PLCG2: variants seen among roughly 807,000 people sequenced by gnomAD.
The protein encoded by PLCG2 is 1-phosphatidylinositol 4,5-bisphosphate phosphodiesterase gamma-2.
A neutral mutation model predicts 175.6 loss-of-function variants in PLCG2; 69 were observed. That is an observed-to-expected ratio of 0.39 (90% CI 0.32 to 0.48). The LOEUF (loss-of-function observed/expected upper bound fraction) is 0.48, where lower values mean the gene tolerates loss of function less well. PLCG2 is among the 20% of genes least tolerant of loss of function. The pLI, the probability that PLCG2 is intolerant of heterozygous loss-of-function variation, is 0.91. For synonymous variants in PLCG2, 827 were observed against 624.0 expected (o/e 1.33, Z -4.85); for missense variants, 1,798 against 1,650.9 (o/e 1.09, Z -1.54).
At chr16:81,955,264 G>A (rs183015266) in intron 31 of PLCG2, among the ~76,000 whole-genome samples, 2 of 152,342 alleles carry the variant, frequency 1.3e-5, no homozygotes, top group East Asian at 3.9e-4. Flanking sequence ...AAACCTTGCA[G>A]AGTATGGTCT....
intron 7 of PLCG2, among the ~76,000 whole-genome samples, chr16:81,877,074 T>C (rs1426136152): frequency 6.6e-6 from 1 of 152,196 alleles, no homozygotes; most frequent in African/African-American, 2.4e-5. Context: ...GAGGAGTGAC[T>C]GAGACTGTCA....
intron 15 of PLCG2, among the ~76,000 whole-genome samples, chr16:81,905,826 A>AT (rs1168368550): frequency 6.6e-6 from 1 of 151,890 alleles, no homozygotes; most frequent in Non-Finnish European, 1.5e-5. Context: ...TGCCTGGCTA[A>AT]TTTTTTGTAT....
At chr16:81,891,895 G>A (rs1351682491) in intron 11 of PLCG2, among the ~76,000 whole-genome samples, 1 of 152,116 alleles carries the variant, frequency 6.6e-6, no homozygotes, top group Non-Finnish European at 1.5e-5. Context: ...TTCACGATTT[G>A]GGCATCTCAC....
chr16:81,802,815 C>T (rs915798207), intron 2 of PLCG2, among the ~76,000 whole-genome samples: 3 of 152,164 alleles, frequency 2.0e-5, no homozygotes, highest in East Asian at 3.8e-4. Context: ...AGGTGATCCA[C>T]CCACCTCAGC....
intron 1 of PLCG2, among the ~76,000 whole-genome samples, chr16:81,754,601 A>G (rs1909884946): frequency 6.7e-6 from 1 of 149,610 alleles, no homozygotes; most frequent in Non-Finnish European, 1.5e-5. Flanking sequence ...TTTGTCAAGG[A>G]CCTGGTAAGG....
intron 1 of PLCG2, among the ~76,000 whole-genome samples, chr16:81,781,479 G>A (rs781543389): frequency 2.0e-5 from 3 of 150,896 alleles, no homozygotes; most frequent in Non-Finnish European, 2.9e-5. Flanking sequence ...CGTACATATT[G>A]CATCTTTGTG....
chr16:81,770,456 T>C (rs1013844410), intron 2 of PLCG2, among the ~76,000 whole-genome samples: 2 of 152,238 alleles, frequency 1.3e-5, no homozygotes, highest in Admixed American at 1.3e-4. Context: ...CACATGCCTG[T>C]AATCCCAGCC....
intron 7 of PLCG2, among the ~76,000 whole-genome samples, chr16:81,878,114 T>G (rs1314603508): frequency 1.3e-5 from 2 of 150,942 alleles, no homozygotes; most frequent in African/African-American, 4.9e-5. Flanking sequence ...CCCGAGTAGC[T>G]GGGGACTACA....
intron 2 of PLCG2, among the ~76,000 whole-genome samples, chr16:81,847,757 C>G (rs1906201281): frequency 6.6e-6 from 1 of 152,132 alleles, no homozygotes; most frequent in South Asian, 2.1e-4. Context: ...ATTTACATAA[C>G]ATTTACATTG....
intron 2 of PLCG2, among the ~76,000 whole-genome samples, chr16:81,820,782 G>T (rs1230485914): frequency 6.6e-6 from 1 of 152,016 alleles, no homozygotes; most frequent in African/African-American, 2.4e-5. Flanking sequence ...CATCATGCCT[G>T]GCTAATTTTT....
intron 2 of PLCG2, among the ~76,000 whole-genome samples, chr16:81,814,316 CAG>C (rs1159213279): frequency 1.3e-5 from 2 of 152,124 alleles, no homozygotes; most frequent in Non-Finnish European, 2.9e-5. Context: ...GGAGCTGAGA[CAG>C]GGGCAGAGAT....
At chr16:81,949,681 C>A (rs1456491921) in intron 31 of PLCG2, among the ~76,000 whole-genome samples, 1 of 152,100 alleles carries the variant, frequency 6.6e-6, no homozygotes, top group Non-Finnish European at 1.5e-5. Flanking sequence ...ATTAATTTTG[C>A]AGTACAGTTA....
At chr16:81,928,534 G>A (rs1276190621) in intron 23 of PLCG2, 24 bp from the exon 24 acceptor site, 6 of 1,487,990 alleles carry the variant, frequency 4.0e-6, no homozygotes, top group Non-Finnish European at 2.8e-6. Context: ...CAACTAACGT[G>A]AGTTATGTCT....
At chr16:81,928,700 G>A (rs1910380450) in intron 24 of PLCG2, 76 bp downstream of exon 24, 2 of 964,374 alleles carry the variant, frequency 2.1e-6, no homozygotes, top group Non-Finnish European at 3.4e-6. Context: ...GCCCTACACA[G>A]GGAGGTGGCT....
intron 2 of PLCG2, among the ~76,000 whole-genome samples, chr16:81,819,564 G>C (rs964843915): frequency 6.6e-6 from 1 of 152,126 alleles, no homozygotes; most frequent in Admixed American, 6.6e-5. Context: ...CTCTATCCCA[G>C]CTCAGTTATT....
upstream of PLCG2, chr16:81,779,181 C>G (rs887357296): frequency 2.6e-5 from 4 of 152,112 alleles, no homozygotes; most frequent in Admixed American, 6.6e-5. Context: ...GGGTGCGCTC[C>G]GAGAGGCGGA....
At chr16:81,951,577 A>G (rs1168221673) in intron 31 of PLCG2, among the ~76,000 whole-genome samples, 1 of 152,206 alleles carries the variant, frequency 6.6e-6, no homozygotes, top group African/African-American at 2.4e-5. Context: ...TCTTGAAGCT[A>G]TACAACTTTC....
At chr16:81,801,659 T>C (rs1911725095) in intron 2 of PLCG2, among the ~76,000 whole-genome samples, 2 of 152,152 alleles carry the variant, frequency 1.3e-5, no homozygotes, top group South Asian at 4.1e-4. Flanking sequence ...TTTTCGATAT[T>C]AGATAGTTGT....
At chr16:81,802,993 A>T (rs1012514428) in intron 2 of PLCG2, among the ~76,000 whole-genome samples, 1 of 152,108 alleles carries the variant, frequency 6.6e-6, no homozygotes, top group African/African-American at 2.4e-5. Flanking sequence ...CAAATCCTAT[A>T]CATTAGCAGT....
Sources: gnomAD v4.1 joint callset for allele counts (sites outside exome capture counted in the v4.1 genomes callset) on GRCh38, gnomAD v4.1.1 for gene constraint, MANE v1.5 for transcripts, NCBI Gene and HGNC (gene_info 2026-07-23, HGNC 2026-07-21) for gene names.